The following MIPOL1 variants were observed in gnomAD, a reference collection of about 807,000 sequenced individuals.
MIPOL1 encodes the protein mirror-image polydactyly gene 1 protein.
A neutral mutation model predicts 60.9 loss-of-function variants in MIPOL1; 57 were observed. The observed-to-expected ratio is 0.94, with a 90% CI of 0.76 to 1.17. The LOEUF (loss-of-function observed/expected upper bound fraction) is 1.17, where lower values mean the gene tolerates loss of function less well. Among genes scored for constraint, MIPOL1 ranks in the 50% most tolerant of loss-of-function variants. MIPOL1 has a pLI of 0.00. For missense variants in MIPOL1, 551 were observed against 511.6 expected (o/e 1.08, Z -0.74); for synonymous variants, 179 against 168.8 (o/e 1.06, Z -0.47).
intron 9 of MIPOL1, among the ~76,000 whole-genome samples, chr14:37,316,029 A>AATT (rs2087841426): frequency 7.0e-6 from 1 of 143,386 alleles, no homozygotes; most frequent in African/African-American, 2.6e-5. Flanking sequence ...TATTTATTTA[A>AATT]TTTTTTTTTT....
At chr14:37,312,620 T>C (rs1310200311) in intron 9 of MIPOL1, among the ~76,000 whole-genome samples, 1 of 152,198 alleles carries the variant, frequency 6.6e-6, no homozygotes, top group African/African-American at 2.4e-5. Flanking sequence ...AAAAATGTTA[T>C]CTTTTTCAGA....
At position 37,238,560 on chromosome 14, in the gene MIPOL1, T is replaced by C. The variant is rs140080730; in HGVS notation, c.-198-8543T>C. 6.4e-3 allele frequency among the ~76,000 whole-genome samples: 972 copies of C among 152,314 alleles called. 15 individuals carry two copies. The highest frequency in any genetic ancestry group is 0.022 in the African/African-American group (923 of 41,550). On this transcript the variant is annotated intron_variant, in intron 1 of 12. Coordinates refer to ENST00000684589, the MANE Select transcript of MIPOL1 (RefSeq NM_001388067.1). Reference sequence around the variant, plus strand: ...AGATTTTCTTAACTAATTAATAATATAAAATGTCAGGTTAGTCATACAGCC... The same window carrying C: ...AGATTTTCTTAACTAATTAATAATACAAAATGTCAGGTTAGTCATACAGCC...
chr14:37,350,663 G>A (rs914921516), intron 9 of MIPOL1, among the ~76,000 whole-genome samples: 3 of 151,860 alleles, frequency 2.0e-5, no homozygotes, highest in African/African-American at 7.3e-5. Flanking sequence ...CAAATATTAG[G>A]TCTTATTCAT....
rs1245322627 is a variant in MIPOL1, at chr14:37,549,695, TAC to T, written c.*2728_*2729del. Reference sequence around the variant, plus strand: ...AAATTCCCTAATAATCAAAAGATTGTACACATTTTTTTCAATGAAGTACAATA... The same window carrying T: ...AAATTCCCTAATAATCAAAAGATTGTACATTTTTTTCAATGAAGTACAATA... On this transcript the variant is annotated 3_prime_UTR_variant, in exon 13 of 13. Coordinates refer to ENST00000684589, the MANE Select transcript of MIPOL1 (RefSeq NM_001388067.1). The T allele has an allele frequency of 6.6e-6, 1 of 151,940 alleles. No homozygotes were observed. Among genetic ancestry groups the T allele is most frequent in the East Asian group, 1.9e-4 (1 of 5,194 alleles). The allele number at this position is 151,940 out of a possible 1,614,324, so 9.4% of individuals were successfully genotyped here. A position where few individuals can be genotyped will look rare whatever the true frequency, so the allele number is the denominator to read the frequency against.
At chr14:37,232,477 G>A (rs1404813046) in intron 1 of MIPOL1, among the ~76,000 whole-genome samples, 2 of 152,036 alleles carry the variant, frequency 1.3e-5, no homozygotes, top group Non-Finnish European at 2.9e-5. Flanking sequence ...TGATCACCAG[G>A]ACTTGAGCCA....
intron 1 of MIPOL1, among the ~76,000 whole-genome samples, chr14:37,235,929 A>AT (rs199777000): frequency 0.049 from 7,077 of 143,524 alleles, 267 homozygotes; most frequent in East Asian, 0.24. Context: ...AGTATTTTCA[A>AT]TTTTTTTTTT....
chr14:37,445,048 T>C (rs2094310950), intron 11 of MIPOL1, among the ~76,000 whole-genome samples: 1 of 152,142 alleles, frequency 6.6e-6, no homozygotes, highest in Non-Finnish European at 1.5e-5. Flanking sequence ...CCACTCCTAT[T>C]CATTATAGTG....
chr14:37,253,827 TC>T (rs1974488969), intron 3 of MIPOL1, among the ~76,000 whole-genome samples: 1 of 151,746 alleles, frequency 6.6e-6, no homozygotes, highest in African/African-American at 2.4e-5. Context: ...TAGGATAAAA[TC>T]TATTTTCGTC....
intron 6 of MIPOL1, among the ~76,000 whole-genome samples, chr14:37,276,146 C>A (rs1372936296): frequency 6.6e-6 from 1 of 151,038 alleles, no homozygotes; most frequent in Non-Finnish European, 1.5e-5. Context: ...TGCATTTTAA[C>A]ATGTAATTCA....
intron 3 of MIPOL1, among the ~76,000 whole-genome samples, chr14:37,249,067 GA>G (rs1284309269): frequency 4.6e-5 from 7 of 152,050 alleles, no homozygotes; most frequent in Admixed American, 4.6e-4. Context: ...AGACATAAGG[GA>G]GGGGGCAAGA....
chr14:37,496,613 C>T (rs1055207697), intron 11 of MIPOL1, among the ~76,000 whole-genome samples: 5 of 149,408 alleles, frequency 3.3e-5, no homozygotes, highest in African/African-American at 1.2e-4. Flanking sequence ...AGGACCTCTT[C>T]AAGGAGAACT....
At chr14:37,527,710 G>A in intron 12 of MIPOL1, among the ~76,000 whole-genome samples, 1 of 152,170 alleles carries the variant, frequency 6.6e-6, no homozygotes, top group Admixed American at 6.5e-5. Flanking sequence ...TATTGTAAAT[G>A]CTTAATTATC....
intron 10 of MIPOL1, among the ~76,000 whole-genome samples, chr14:37,385,064 A>G (rs954249954): frequency 6.6e-6 from 1 of 152,052 alleles, no homozygotes; most frequent in Non-Finnish European, 1.5e-5. Flanking sequence ...TAAACTTTCC[A>G]AGAAAAAATC....
At chr14:37,472,886 C>T (rs977899303) in intron 11 of MIPOL1, among the ~76,000 whole-genome samples, 4 of 152,154 alleles carry the variant, frequency 2.6e-5, no homozygotes, top group African/African-American at 9.7e-5. Flanking sequence ...TTACAGACCA[C>T]TCACTACCTA....
At position 37,242,652 on chromosome 14, in the gene MIPOL1, A is replaced by G. The variant is rs191475317; in HGVS notation, c.-198-4451A>G. ...GCTAGTCATGTCCCTCCACCTGTCC[A>G]TCCACCTGTCTGTTCATCAAATGTT... is the stretch of plus-strand genomic sequence containing the variant. On this transcript the variant is annotated intron_variant, in intron 1 of 12. Transcript: ENST00000684589. Among the ~76,000 whole-genome samples the G allele has an allele frequency of 1.8e-4, 27 of 152,246 alleles. No individual in the cohort carries two copies. The East Asian group carries it at 4.8e-3, about 27-fold the overall frequency.
intron 11 of MIPOL1, among the ~76,000 whole-genome samples, chr14:37,496,797 A>T (rs920410230): frequency 2.0e-5 from 3 of 152,204 alleles, no homozygotes; most frequent in Non-Finnish European, 4.4e-5. Flanking sequence ...ATTGGAAAAA[A>T]CTACTTTAAA....
At position 37,273,072 on chromosome 14, in the gene MIPOL1, C is replaced by T. The variant is rs534544692; in HGVS notation, c.493+2547C>T. The stretch of plus-strand genomic sequence containing the variant: ...GCAAGAAAATTAAAAACAGTCTAAC[C>T]ATAAGGGAATTATTAAATAAGTTAT... On this transcript the variant is annotated intron_variant, in intron 6 of 12. Transcript: ENST00000684589. Among the ~76,000 whole-genome samples the T allele has an allele frequency of 3.6e-3, 537 of 150,788 alleles. 2 individuals are homozygous for T. The highest frequency in any genetic ancestry group is 5.6e-3 in the Non-Finnish European group (376 of 67,236).
rs146622049 is a variant in MIPOL1, at chr14:37,424,515, C to T, written c.1031+1566C>T. Among the ~76,000 whole-genome samples the T allele has an allele frequency of 1.9e-3, 292 of 152,256 alleles. 1 individual carries two copies. The highest frequency in any genetic ancestry group is 6.7e-3 in the African/African-American group (278 of 41,548). The stretch of plus-strand genomic sequence containing the variant: ...TTTACAGTTGTCAGAAAGAACATAG[C>T]CCAGCCGACACCTGATTCCAGACTT... On this transcript the variant is annotated intron_variant, in intron 11 of 12. Coordinates refer to ENST00000684589, the MANE Select transcript of MIPOL1 (RefSeq NM_001388067.1).
chr14:37,282,293 G>A (rs986670718), intron 6 of MIPOL1, among the ~76,000 whole-genome samples: 2 of 148,666 alleles, frequency 1.3e-5, no homozygotes, highest in African/African-American at 2.5e-5. Flanking sequence ...TTTCGCTCTC[G>A]TGCAATGGCG....
Sources: allele counts gnomAD v4.1 joint callset (sites outside exome capture counted in the v4.1 genomes callset), GRCh38; gene constraint gnomAD v4.1.1; transcripts MANE v1.5; gene names NCBI Gene and HGNC (gene_info 2026-07-23, HGNC 2026-07-21).